Variants in RBFOX1 observed in about 807,000 individuals in gnomAD.
RBFOX1 encodes the protein RNA binding protein fox-1 homolog 1.
In RBFOX1, 8 loss-of-function variants were observed where a neutral mutation model predicts 57.7. The ratio of observed to expected loss-of-function variants is 0.14; its 90% CI spans 0.08 to 0.25. The LOEUF is 0.25. Among genes scored for constraint, RBFOX1 ranks in the 10% least tolerant of loss-of-function variants. The pLI, the probability that RBFOX1 is intolerant of heterozygous loss-of-function variation, is 1.00. For synonymous variants in RBFOX1, 326 were observed against 222.4 expected, an observed-to-expected ratio of 1.47 and a Z score of -4.15; for missense variants, 611 against 548.5, an observed-to-expected ratio of 1.11 and a Z score of -1.14.
chr16:5,518,770 A>G (rs1409307305), intron 2 of RBFOX1, among the ~76,000 whole-genome samples: 2 of 152,198 alleles, frequency 1.3e-5, no homozygotes, highest in African/African-American at 2.4e-5. Context: ...CAAACGTATT[A>G]TAAGGAACAC....
intron 1 of RBFOX1, among the ~76,000 whole-genome samples, chr16:6,237,170 T>C (rs2097511355): frequency 6.6e-6 from 1 of 152,218 alleles, no homozygotes; most frequent in Admixed American, 6.5e-5. Context: ...GCAAGGGTAC[T>C]TTTATTACGA....
chr16:5,840,557 A>G (rs1395659216), intron 3 of RBFOX1, among the ~76,000 whole-genome samples: 2 of 152,128 alleles, frequency 1.3e-5, no homozygotes, highest in African/African-American at 4.8e-5. Context: ...CTTTACATAA[A>G]CACTGAGCTC....
At chr16:5,658,826 A>ATATATGTATATATATAATATATGTG (rs2049548171) in intron 3 of RBFOX1, among the ~76,000 whole-genome samples, 1 of 145,584 alleles carries the variant, frequency 6.9e-6, no homozygotes, top group East Asian at 1.9e-4. Context: ...TAATATATGT[A>ATATATGTATATATATAATATATGTG]TATATGTATA....
At chr16:7,387,434 A>G (rs950125204) in intron 4 of RBFOX1, among the ~76,000 whole-genome samples, 1 of 152,184 alleles carries the variant, frequency 6.6e-6, no homozygotes, top group African/African-American at 2.4e-5. Context: ...CATGATATTC[A>G]TTCATATACC....
At chr16:7,251,224 G>C (rs1270681625) in intron 4 of RBFOX1, among the ~76,000 whole-genome samples, 1 of 151,744 alleles carries the variant, frequency 6.6e-6, no homozygotes, top group Non-Finnish European at 1.5e-5. Flanking sequence ...ACTTCTATGA[G>C]TTCAACTATT....
At chr16:7,233,489 T>C (rs2881439) in intron 4 of RBFOX1, among the ~76,000 whole-genome samples, 97,286 of 152,114 alleles carry the variant, frequency 0.64, 33,135 homozygotes, top group East Asian at 0.96. Flanking sequence ...CAGCAGGCCG[T>C]CGATCAGCAC....
intron 11 of RBFOX1, among the ~76,000 whole-genome samples, chr16:7,639,475 C>A (rs537724899): frequency 1.3e-5 from 2 of 152,274 alleles, no homozygotes; most frequent in East Asian, 3.9e-4. Context: ...CTTCATTCAA[C>A]CAATCTTTAT....
intron 3 of RBFOX1, among the ~76,000 whole-genome samples, chr16:6,669,520 TTA>T (rs2098751585): frequency 6.6e-6 from 1 of 152,178 alleles, no homozygotes; most frequent in Non-Finnish European, 1.5e-5. Context: ...CAAGTAAAAA[TTA>T]TATGTTTAAG....
intron 3 of RBFOX1, among the ~76,000 whole-genome samples, chr16:6,958,367 A>G (rs1394306663): frequency 6.6e-6 from 1 of 152,162 alleles, no homozygotes; most frequent in Non-Finnish European, 1.5e-5. Context: ...ATCACCCACC[A>G]TTAGAAAAGA....
At chr16:6,497,655 C>G (rs946467678) in intron 2 of RBFOX1, among the ~76,000 whole-genome samples, 1 of 151,926 alleles carries the variant, frequency 6.6e-6, no homozygotes, top group Non-Finnish European at 1.5e-5. Flanking sequence ...CTCCCAGGTT[C>G]AAGTGATTGT....
intron 4 of RBFOX1, among the ~76,000 whole-genome samples, chr16:7,416,079 T>G (rs1443295350): frequency 1.3e-5 from 2 of 152,164 alleles, no homozygotes; most frequent in African/African-American, 2.4e-5. Flanking sequence ...TCTTTCTTAT[T>G]AAACCTCCAG....
intron 1 of RBFOX1, among the ~76,000 whole-genome samples, chr16:6,301,628 A>C (rs895121368): frequency 6.6e-6 from 1 of 152,130 alleles, no homozygotes; most frequent in African/African-American, 2.4e-5. Context: ...GGAAATCTCT[A>C]TAATTTTCTC....
intron 4 of RBFOX1, among the ~76,000 whole-genome samples, chr16:7,445,176 T>G (rs1395259941): frequency 6.6e-6 from 1 of 152,154 alleles, no homozygotes; most frequent in South Asian, 2.1e-4. Context: ...CCTGGGCAGT[T>G]AGCAAGGATT....
intron 3 of RBFOX1, among the ~76,000 whole-genome samples, chr16:6,886,218 C>A (rs141027296): frequency 6.6e-6 from 1 of 151,862 alleles, no homozygotes; most frequent in African/African-American, 2.4e-5. Flanking sequence ...TGTGCTACCA[C>A]GCTTAGCTAA....
chr16:7,099,989 G>C (rs2062395049), intron 4 of RBFOX1, among the ~76,000 whole-genome samples: 1 of 151,930 alleles, frequency 6.6e-6, no homozygotes, highest in South Asian at 2.1e-4. Context: ...TTCTCATCAT[G>C]GTCTGAACCA....
intron 14 of RBFOX1, among the ~76,000 whole-genome samples, chr16:7,700,733 G>A (rs1318765486): frequency 1.3e-5 from 2 of 152,180 alleles, no homozygotes; most frequent in Non-Finnish European, 2.9e-5. Context: ...ATCACCAAAA[G>A]TGGGACTTAC....
intron 4 of RBFOX1, among the ~76,000 whole-genome samples, chr16:7,348,247 C>G (rs1014105299): frequency 6.6e-6 from 1 of 152,194 alleles, no homozygotes; most frequent in Non-Finnish European, 1.5e-5. Context: ...CTACTACAAA[C>G]CACTCTTTAT....
At chr16:5,325,130 A>T (rs2064530043) in intron 1 of RBFOX1, among the ~76,000 whole-genome samples, 1 of 152,196 alleles carries the variant, frequency 6.6e-6, no homozygotes, top group Non-Finnish European at 1.5e-5. Context: ...ACGCTTAAGA[A>T]GCGCTGCTCT....
chr16:5,803,143 C>G (rs2055113456), intron 3 of RBFOX1, among the ~76,000 whole-genome samples: 1 of 152,142 alleles, frequency 6.6e-6, no homozygotes, highest in African/African-American at 2.4e-5. Context: ...TCCGCTGTAT[C>G]CCTCCCCCCA....
Sources: gnomAD v4.1 joint callset for allele counts (sites outside exome capture counted in the v4.1 genomes callset) on GRCh38, gnomAD v4.1.1 for gene constraint, MANE v1.5 for transcripts, NCBI Gene and HGNC (gene_info 2026-07-23, HGNC 2026-07-21) for gene names.